The following ERBB4 variants were observed in gnomAD, a reference collection of about 807,000 sequenced individuals.
ERBB4 encodes the protein erb-b2 receptor tyrosine kinase 4, also known as receptor tyrosine-protein kinase erbB-4.
ERBB4 carries 42 observed loss-of-function variants against 158.0 expected under a neutral mutation model. That is an observed-to-expected ratio of 0.27 (90% CI 0.21 to 0.34). The LOEUF is 0.34. ERBB4 is among the 10% of genes least tolerant of loss of function. The probability of loss-of-function intolerance (pLI) is 1.00; values close to 1 mark genes in which losing one functional copy is unlikely to be tolerated. For missense variants in ERBB4, 1,333 were observed against 1,624.1 expected (o/e 0.82, Z 3.08); for synonymous variants, 583 against 558.7 (o/e 1.04, Z -0.61).
At chr2:212,219,195 T>A (rs1037392518) in intron 1 of ERBB4, among the ~76,000 whole-genome samples, 4 of 151,410 alleles carry the variant, frequency 2.6e-5, no homozygotes, top group African/African-American at 9.7e-5. Context: ...GTTATGATTT[T>A]AAAAAATTGG....
intron 25 of ERBB4, among the ~76,000 whole-genome samples, chr2:211,411,622 C>A (rs1005375049): frequency 2.0e-5 from 3 of 152,104 alleles, no homozygotes; most frequent in Admixed American, 6.6e-5. Context: ...CAGCTCTGGG[C>A]AGTTTTGTGT....
intron 3 of ERBB4, among the ~76,000 whole-genome samples, chr2:211,841,218 C>T (rs1444992692): frequency 6.6e-6 from 1 of 151,962 alleles, no homozygotes; most frequent in African/African-American, 2.4e-5. Context: ...GATAAATGTG[C>T]TCTTATTAGT....
intron 25 of ERBB4, among the ~76,000 whole-genome samples, chr2:211,395,746 G>C (rs1040680028): frequency 2.0e-5 from 3 of 151,928 alleles, no homozygotes; most frequent in African/African-American, 7.2e-5. Context: ...ATGGTACTTT[G>C]TCTACAAAAC....
chr2:211,971,499 C>G (rs992700296), intron 2 of ERBB4, among the ~76,000 whole-genome samples: 6 of 152,122 alleles, frequency 3.9e-5, no homozygotes, highest in African/African-American at 1.4e-4. Context: ...TGGTACCATT[C>G]CTACTGAAAC....
Position 211,377,871 on chromosome 2 carries a change from C to T in ERBB4, c.*5744G>A, listed in dbSNP as rs970009597. On this transcript the variant is annotated 3_prime_UTR_variant, in exon 28 of 28. Coordinates refer to ENST00000342788, the MANE Select transcript of ERBB4 (RefSeq NM_005235.3). The stretch of plus-strand genomic sequence containing the variant: ...ATAGGGAAGGACACAGAGAATTGAT[C>T]TTCATGGGAAACCATAATTTTAATA... The T allele has an allele frequency of 8.6e-6, 2 of 232,722 alleles. No individual in the cohort carries two copies. Among genetic ancestry groups the T allele is most frequent in the African/African-American group, 4.4e-5 (2 of 45,274 alleles). 14.4% of individuals were successfully genotyped at this position (232,722 alleles called of 1,614,324 possible).
intron 2 of ERBB4, among the ~76,000 whole-genome samples, chr2:212,086,028 C>G (rs1177826296): frequency 1.3e-5 from 2 of 151,920 alleles, no homozygotes; most frequent in African/African-American, 2.4e-5. Flanking sequence ...TCTCTCACAT[C>G]CTAATCATTG....
At chr2:211,785,761 G>T (rs1474289793) in intron 4 of ERBB4, among the ~76,000 whole-genome samples, 2 of 151,996 alleles carry the variant, frequency 1.3e-5, no homozygotes, top group East Asian at 1.9e-4. Context: ...TTAATTTAAT[G>T]TATGAATAAG....
At chr2:211,495,233 G>C (rs1030595248) in intron 20 of ERBB4, among the ~76,000 whole-genome samples, 3 of 151,972 alleles carry the variant, frequency 2.0e-5, no homozygotes, top group African/African-American at 7.2e-5. Context: ...AAAATTATAT[G>C]TAAAACAGCA....
At chr2:212,246,569 A>T (rs568915353) in intron 1 of ERBB4, among the ~76,000 whole-genome samples, 54 of 152,334 alleles carry the variant, frequency 3.5e-4, no homozygotes, top group African/African-American at 1.3e-3. Context: ...ATATACACAA[A>T]ATACAAGTTA....
chr2:211,949,378 C>A (rs1209547615), intron 2 of ERBB4, among the ~76,000 whole-genome samples: 4 of 152,140 alleles, frequency 2.6e-5, no homozygotes, highest in African/African-American at 9.7e-5. Flanking sequence ...AGTGCAATAA[C>A]CACTAGTCAT....
chr2:211,895,395 C>T (rs996337564), intron 3 of ERBB4, among the ~76,000 whole-genome samples: 5 of 152,130 alleles, frequency 3.3e-5, no homozygotes, highest in African/African-American at 1.2e-4. Flanking sequence ...GTAGCTGGTA[C>T]TACAGGTGCA....
chr2:212,199,449 A>C (rs916456019), intron 1 of ERBB4, among the ~76,000 whole-genome samples: 41 of 152,306 alleles, frequency 2.7e-4, no homozygotes, highest in Admixed American at 2.7e-3. Flanking sequence ...ATTACATCAT[A>C]AATTATATCA....
At chr2:212,143,328 A>G (rs567589256) in intron 1 of ERBB4, among the ~76,000 whole-genome samples, 1 of 152,290 alleles carries the variant, frequency 6.6e-6, no homozygotes, top group Non-Finnish European at 1.5e-5. Context: ...TGTTATAGCT[A>G]TTATTATGGT....
chr2:211,747,301 C>T (rs2075005151), intron 5 of ERBB4, among the ~76,000 whole-genome samples: 1 of 152,136 alleles, frequency 6.6e-6, no homozygotes, highest in African/African-American at 2.4e-5. Context: ...CATTGCAGGG[C>T]ATCATCTCTG....
chr2:212,298,627 C>T (rs2086505827), intron 1 of ERBB4, among the ~76,000 whole-genome samples: 1 of 151,674 alleles, frequency 6.6e-6, no homozygotes, highest in African/African-American at 2.4e-5. Context: ...GTCTAAGATA[C>T]TACCATCTTT....
At chr2:211,896,861 C>T (rs756347478) in intron 3 of ERBB4, among the ~76,000 whole-genome samples, 1 of 151,944 alleles carries the variant, frequency 6.6e-6, no homozygotes, top group Non-Finnish European at 1.5e-5. Flanking sequence ...GTATTTGTTA[C>T]AATTTCATCA....
intron 2 of ERBB4, among the ~76,000 whole-genome samples, chr2:212,047,507 C>A (rs886899887): frequency 1.6e-4 from 25 of 151,758 alleles, no homozygotes; most frequent in Middle Eastern, 3.4e-3. Context: ...GAGTCTTGTT[C>A]TGTCCCCCAG....
At chr2:212,054,303 T>A (rs1391076824) in intron 2 of ERBB4, among the ~76,000 whole-genome samples, 1 of 152,136 alleles carries the variant, frequency 6.6e-6, no homozygotes. Flanking sequence ...TCTCTCTGTG[T>A]CTGAGTAAAG....
intron 1 of ERBB4, among the ~76,000 whole-genome samples, chr2:212,350,975 G>A (rs1056475764): frequency 7.9e-5 from 12 of 152,226 alleles, no homozygotes; most frequent in South Asian, 6.2e-4. Context: ...GCAGGGAAGG[G>A]CTATTATTAT....
Sources: gnomAD v4.1 joint callset for allele counts (sites outside exome capture counted in the v4.1 genomes callset) on GRCh38, gnomAD v4.1.1 for gene constraint, MANE v1.5 for transcripts, NCBI Gene and HGNC (gene_info 2026-07-23, HGNC 2026-07-21) for gene names.